Variants in TAFA2 observed in about 807,000 individuals in gnomAD.
The protein encoded by TAFA2 is TAFA chemokine like family member 2, also known as chemokine-like protein TAFA-2.
TAFA2 carries 7 observed loss-of-function variants against 18.8 expected under a neutral mutation model. That is an observed-to-expected ratio of 0.37 (90% CI 0.21 to 0.70). The LOEUF (loss-of-function observed/expected upper bound fraction) is 0.70. TAFA2 is among the 30% of genes least tolerant of loss of function. The probability of loss-of-function intolerance (pLI) is 0.53; values close to 1 mark genes in which losing one functional copy is unlikely to be tolerated. For synonymous variants in TAFA2, 60 were observed against 54.2 expected, an observed-to-expected ratio of 1.11 and a Z score of -0.47; for missense variants, 122 against 158.1, an observed-to-expected ratio of 0.77 and a Z score of 1.23.
At chr12:62,128,259 A>G (rs930308260) in intron 1 of TAFA2, among the ~76,000 whole-genome samples, 1 of 152,030 alleles carries the variant, frequency 6.6e-6, no homozygotes, top group Non-Finnish European at 1.5e-5. Flanking sequence ...TGTCTATTCG[A>G]TGTTAATCTA....
At chr12:62,215,067 T>C (rs1021079136) in intron 1 of TAFA2, among the ~76,000 whole-genome samples, 2 of 152,188 alleles carry the variant, frequency 1.3e-5, no homozygotes, top group Non-Finnish European at 2.9e-5. Flanking sequence ...AACTCTCACC[T>C]AAGAGAGAGT....
intron 4 of TAFA2, among the ~76,000 whole-genome samples, chr12:61,720,261 G>T (rs1869839961): frequency 6.6e-6 from 1 of 152,106 alleles, no homozygotes; most frequent in African/African-American, 2.4e-5. Context: ...CCTTTATTTG[G>T]TTTATGGAGA....
chr12:62,070,659 C>G (rs1409521931), intron 1 of TAFA2: 1 of 152,124 alleles, frequency 6.6e-6, no homozygotes, highest in African/African-American at 2.4e-5. Flanking sequence ...AAAATAGCAT[C>G]CCAGCTTTCC....
At chr12:62,240,081 C>T (rs978838798) in intron 1 of TAFA2, among the ~76,000 whole-genome samples, 3 of 150,364 alleles carry the variant, frequency 2.0e-5, no homozygotes, top group African/African-American at 4.9e-5. Context: ...ATATATTTAT[C>T]GTACATAAAT....
At chr12:62,151,830 G>T (rs983236857) in intron 1 of TAFA2, among the ~76,000 whole-genome samples, 7 of 152,154 alleles carry the variant, frequency 4.6e-5, no homozygotes, top group Non-Finnish European at 1.0e-4. Flanking sequence ...TATTTACGGG[G>T]TTAAGAATAC....
At chr12:61,844,890 T>C (rs1377838789) in intron 2 of TAFA2, among the ~76,000 whole-genome samples, 1 of 151,950 alleles carries the variant, frequency 6.6e-6, no homozygotes, top group African/African-American at 2.4e-5. Context: ...AATATAGACA[T>C]TGTGTGTGTG....
chr12:61,994,159 C>G (rs181371906), intron 1 of TAFA2, among the ~76,000 whole-genome samples: 106 of 152,258 alleles, frequency 7.0e-4, no homozygotes, highest in African/African-American at 2.5e-3. Flanking sequence ...TTCCACCCCC[C>G]ACTTTAACAT....
Position 61,808,991 on chromosome 12 carries a change from C to T in TAFA2, c.107-53967G>A, listed in dbSNP as rs1274639196. ...AATGTGACTCATCTATTGTCCATAA[C>T]CACCATTTCTAAGTCTAGAAATAGA... On this transcript the variant is annotated intron_variant, in intron 2 of 4. Coordinates refer to ENST00000416284, the MANE Select transcript of TAFA2 (RefSeq NM_178539.5). Among the ~76,000 whole-genome samples the T allele has an allele frequency of 1.3e-5, 2 of 151,550 alleles. 1 individual carries two copies. The highest frequency in any genetic ancestry group is 4.9e-5 in the African/African-American group (2 of 40,842).
At chr12:61,816,428 G>T (rs1049169662) in intron 2 of TAFA2, among the ~76,000 whole-genome samples, 8 of 151,274 alleles carry the variant, frequency 5.3e-5, no homozygotes, top group Admixed American at 3.9e-4. Context: ...GTCATTGATG[G>T]GCATTTAGGT....
chr12:62,007,207 T>C (rs1880582441), intron 1 of TAFA2, among the ~76,000 whole-genome samples: 1 of 152,200 alleles, frequency 6.6e-6, no homozygotes, highest in Non-Finnish European at 1.5e-5. Flanking sequence ...ACCCCTATGA[T>C]TGTAATGTTC....
chr12:61,779,710 T>C (rs1870422732), intron 2 of TAFA2, among the ~76,000 whole-genome samples: 1 of 151,788 alleles, frequency 6.6e-6, no homozygotes, highest in Non-Finnish European at 1.5e-5. Flanking sequence ...AGAATAAAGA[T>C]TTTCTACTAT....
At chr12:61,721,391 T>G (rs997536021) in intron 4 of TAFA2, among the ~76,000 whole-genome samples, 2 of 152,190 alleles carry the variant, frequency 1.3e-5, no homozygotes, top group African/African-American at 4.8e-5. Flanking sequence ...TCTTAACCAT[T>G]CATAGCCTTG....
chr12:61,993,586 C>T (rs1372662270), intron 1 of TAFA2, among the ~76,000 whole-genome samples: 1 of 151,964 alleles, frequency 6.6e-6, no homozygotes, highest in Admixed American at 6.6e-5. Context: ...TTTAGTGTTG[C>T]CATTCAGAAA....
At chr12:62,075,729 A>C (rs572004880) in intron 1 of TAFA2, among the ~76,000 whole-genome samples, 2 of 152,316 alleles carry the variant, frequency 1.3e-5, no homozygotes, top group South Asian at 4.1e-4. Flanking sequence ...GTCAATTACC[A>C]GTAAGGGTTT....
Position 61,813,538 on chromosome 12 carries a change from T to C in TAFA2, c.106+53782A>G, listed in dbSNP as rs896319178. Among the ~76,000 whole-genome samples, 29 of 151,392 alleles carry C rather than the reference T, an allele frequency of 1.9e-4. 1 individual carries two copies. Among genetic ancestry groups the C allele is most frequent in the African/African-American group, 7.1e-4 (29 of 40,662 alleles). ...AGGATTTTTTCCTTTCTAAAAGATT[T>C]TCCCAATAACAAAAGTATGGTGAAT... is the stretch of plus-strand genomic sequence containing the variant. On this transcript the variant is annotated intron_variant, in intron 2 of 4. Transcript: ENST00000416284.
At chr12:61,979,024 T>C (rs1440855890) in intron 1 of TAFA2, among the ~76,000 whole-genome samples, 1 of 152,148 alleles carries the variant, frequency 6.6e-6, no homozygotes, top group African/African-American at 2.4e-5. Flanking sequence ...TTTCACGGAA[T>C]AATACGCATT....
intron 2 of TAFA2, among the ~76,000 whole-genome samples, chr12:61,829,025 G>A (rs1195992752): frequency 1.3e-5 from 2 of 151,606 alleles, no homozygotes; most frequent in Non-Finnish European, 3.0e-5. Context: ...TAATGTTCTA[G>A]TTTATTTTCC....
chr12:62,101,875 G>T (rs1258970950), intron 1 of TAFA2, among the ~76,000 whole-genome samples: 1 of 152,204 alleles, frequency 6.6e-6, no homozygotes, highest in Non-Finnish European at 1.5e-5. Context: ...ACAGGAAAAG[G>T]AAGGAGGAAG....
chr12:62,183,633 C>T (rs1244037211), intron 1 of TAFA2, among the ~76,000 whole-genome samples: 1 of 152,208 alleles, frequency 6.6e-6, no homozygotes, highest in African/African-American at 2.4e-5. Flanking sequence ...GATCCACCTA[C>T]TTCGGCCTCC....
Sources: allele counts gnomAD v4.1 joint callset (sites outside exome capture counted in the v4.1 genomes callset), GRCh38; gene constraint gnomAD v4.1.1; transcripts MANE v1.5; gene names NCBI Gene and HGNC (gene_info 2026-07-23, HGNC 2026-07-21).